Variants in EPB41 observed in about 807,000 individuals in gnomAD.
EPB41 encodes the protein erythrocyte membrane protein band 4.1.
Under a neutral mutation model 108.0 loss-of-function variants are expected in EPB41, and 65 were observed. The ratio of observed to expected loss-of-function variants is 0.60; its 90% confidence interval spans 0.49 to 0.74. EPB41 has a LOEUF of 0.74. Among genes scored for constraint, EPB41 ranks in the 30% least tolerant of loss-of-function variants. The probability of loss-of-function intolerance (pLI) is 0.00; values close to 1 mark genes in which losing one functional copy is unlikely to be tolerated. For synonymous variants in EPB41, 336 were observed against 358.9 expected (o/e 0.94, Z 0.72); for missense variants, 875 against 1,037.0 (o/e 0.84, Z 2.15).
chr1:28,925,810 T>C (rs12122962), intron 1 of EPB41, among the ~76,000 whole-genome samples: 14,740 of 152,260 alleles, frequency 0.097, 1,001 homozygotes, highest in Non-Finnish European at 0.15. Flanking sequence ...CCTGTGTTAA[T>C]GACTTCGCAT....
chr1:28,992,416 C>T (rs1343094299), intron 2 of EPB41, among the ~76,000 whole-genome samples: 1 of 152,150 alleles, frequency 6.6e-6, no homozygotes, highest in Non-Finnish European at 1.5e-5. Context: ...CGGCCAGGCA[C>T]GGTTGCTCAC....
chr1:29,086,182 G>C (rs1237195123), intron 16 of EPB41, among the ~76,000 whole-genome samples: 1 of 151,600 alleles, frequency 6.6e-6, no homozygotes, highest in Non-Finnish European at 1.5e-5. Flanking sequence ...GTTTTAGAAA[G>C]GTTAGGAAAT....
At chr1:29,113,396 C>T (rs1246814516) in intron 19 of EPB41, among the ~76,000 whole-genome samples, 1 of 152,182 alleles carries the variant, frequency 6.6e-6, no homozygotes, top group Non-Finnish European at 1.5e-5. Flanking sequence ...CCCTTGGAGG[C>T]AGGGTTGAGA....
In EPB41 at chr1:28,914,601, G is replaced by GC. The variant is rs2092447052; in HGVS notation, c.-174dup. ...AGGCGGGAGGGCGCGCGCCAGGGTCGCTCGCTCGCTCCCTCCCTCCGCTGG... is the reference window on the plus strand; with the variant it reads ...AGGCGGGAGGGCGCGCGCCAGGGTCGCCTCGCTCGCTCCCTCCCTCCGCTGG... On this transcript the variant is annotated 5_prime_UTR_variant, in exon 1 of 21. Transcript: ENST00000343067. The GC allele has an allele frequency of 2.0e-5, 3 of 151,954 alleles. No individual in the cohort carries two copies. Among genetic ancestry groups the GC allele is most frequent in the African/African-American group, 7.2e-5 (3 of 41,486 alleles). 9.4% of individuals were successfully genotyped at this position (151,954 alleles called of 1,614,324 possible). A position where few individuals can be genotyped will look rare whatever the true frequency, so the allele number is the denominator to read the frequency against.
At position 28,987,806 on chromosome 1, in the gene EPB41, T is replaced by G; in HGVS notation, c.369T>G (p.Asp123Glu). The G allele has an allele frequency of 6.2e-7, 1 of 1,614,190 alleles. No individual in the cohort carries two copies. Among genetic ancestry groups the G allele is most frequent in the Non-Finnish European group, 8.5e-7 (1 of 1,180,022 alleles). The change falls in exon 2 of 21, where the codon GAT becomes GAG. Residue 123 changes from aspartate (D) to glutamate (E), a missense_variant. By Grantham distance (45) the Asp-to-Glu change is conservative (BLOSUM62 2). Around this residue, in one of 3 missense-constraint regions of EPB41, gnomAD observed 353 missense variants for 393.2 expected, o/e 0.90. Transcript: ENST00000343067. ...QKEIEFGTSL[D>E]EEIILKAPIA... is the part of the protein sequence containing the mutation. ...AGATAGAATTTGGAACCAGTCTTGATGAAGAGATCATTTTAAAGGCCCCAA... is the reference window on the plus strand; with the variant it reads ...AGATAGAATTTGGAACCAGTCTTGAGGAAGAGATCATTTTAAAGGCCCCAA...
intron 16 of EPB41, among the ~76,000 whole-genome samples, chr1:29,082,429 G>A (rs1200184938): frequency 6.6e-6 from 1 of 152,082 alleles, no homozygotes; most frequent in African/African-American, 2.4e-5. Context: ...TAACCTCAAG[G>A]TAACTGTTTT....
At chr1:29,015,653 A>G (rs751123600) in intron 5 of EPB41, 39 bp from the exon 6 acceptor site, 37 of 1,194,530 alleles carry the variant, frequency 3.1e-5, no homozygotes, top group Middle Eastern at 4.0e-4. Flanking sequence ...TTAGAAACTT[A>G]GGTATAAACG....
chr1:29,106,948 C>G (rs1439856226), intron 17 of EPB41, among the ~76,000 whole-genome samples: 1 of 151,544 alleles, frequency 6.6e-6, no homozygotes, highest in Non-Finnish European at 1.5e-5. Context: ...CTTTGGGAGG[C>G]TGAGGAGGGT....
intron 12 of EPB41, among the ~76,000 whole-genome samples, chr1:29,056,915 T>G (rs1645568134): frequency 6.6e-6 from 1 of 152,220 alleles, no homozygotes; most frequent in Non-Finnish European, 1.5e-5. Context: ...ATTATTCACT[T>G]GAACAAGGAA....
In EPB41 at chr1:28,964,927, T is replaced by A. The variant is rs142025044; in HGVS notation, c.-7-22504T>A. Among the ~76,000 whole-genome samples the A allele has an allele frequency of 5.7e-3, 871 of 152,320 alleles. 10 individuals are homozygous for A. The highest frequency in any genetic ancestry group is 0.02 in the African/African-American group (821 of 41,572). ...ATCCTTTAAAGCTTAGCTCAGATTG[T>A]ATATCAAAGGCCTTTTCTCTGACTC... On this transcript the variant is annotated intron_variant, in intron 1 of 20. Transcript: ENST00000343067.
chr1:28,963,894 C>T (rs2095291119), intron 1 of EPB41, among the ~76,000 whole-genome samples: 1 of 152,176 alleles, frequency 6.6e-6, no homozygotes, highest in African/African-American at 2.4e-5. Context: ...ACAGAACAGT[C>T]ATCCTTCAGT....
chr1:29,112,502 G>A (rs368702822), intron 19 of EPB41, 54 bp downstream of exon 19: 22 of 1,456,460 alleles, frequency 1.5e-5, no homozygotes, highest in African/African-American at 1.3e-4. Flanking sequence ...CAGGAAGACC[G>A]ATGAATACAG....
chr1:29,101,873 C>T (rs1344581652), intron 17 of EPB41, among the ~76,000 whole-genome samples: 2 of 152,098 alleles, frequency 1.3e-5, no homozygotes, highest in East Asian at 3.9e-4. Flanking sequence ...GCACTCCAGC[C>T]TGGGGAACAG....
intron 1 of EPB41, among the ~76,000 whole-genome samples, chr1:28,950,187 G>C (rs1395026390): frequency 2.0e-5 from 3 of 152,132 alleles, no homozygotes; most frequent in African/African-American, 7.2e-5. Flanking sequence ...GAATTGCTGA[G>C]TCATAGAGTA....
At chr1:29,027,133 T>A (rs1048114394) in intron 7 of EPB41, among the ~76,000 whole-genome samples, 2 of 152,134 alleles carry the variant, frequency 1.3e-5, no homozygotes, top group East Asian at 1.9e-4. Flanking sequence ...TACATTTTTT[T>A]AAGAATTGTA....
chr1:29,028,715 C>T (rs1393670301), intron 7 of EPB41, among the ~76,000 whole-genome samples: 1 of 152,104 alleles, frequency 6.6e-6, no homozygotes, highest in African/African-American at 2.4e-5. Context: ...AATTATTGTA[C>T]TCTTTAAACT....
At chr1:28,976,611 C>T (rs1238118467) in intron 1 of EPB41, among the ~76,000 whole-genome samples, 1 of 152,098 alleles carries the variant, frequency 6.6e-6, no homozygotes, top group Non-Finnish European at 1.5e-5. Flanking sequence ...GCCTTGGCCT[C>T]CCAAAGTGCT....
chr1:29,085,618 C>A (rs1658519763), intron 16 of EPB41, among the ~76,000 whole-genome samples: 1 of 151,766 alleles, frequency 6.6e-6, no homozygotes, highest in South Asian at 2.1e-4. Context: ...TTCTTTTTTA[C>A]CCCAAGTTTA....
chr1:28,943,903 T>C (rs1366082088), intron 1 of EPB41, among the ~76,000 whole-genome samples: 1 of 152,202 alleles, frequency 6.6e-6, no homozygotes, highest in East Asian at 1.9e-4. Flanking sequence ...CAAAGAGGTA[T>C]CTGCACTCCA....
Sources: allele counts gnomAD v4.1 joint callset (sites outside exome capture counted in the v4.1 genomes callset), GRCh38; gene constraint gnomAD v4.1.1; regional missense constraint gnomAD v4.1.1; transcripts MANE v1.5; gene names NCBI Gene and HGNC (gene_info 2026-07-23, HGNC 2026-07-21).